Variants in IMPG1 observed in about 807,000 individuals in gnomAD.
IMPG1 encodes the protein interphotoreceptor matrix proteoglycan of 150 kDa.
In IMPG1, 85 loss-of-function variants were observed where a neutral mutation model predicts 92.0. The ratio of observed to expected loss-of-function variants is 0.92; its 90% CI spans 0.78 to 1.11. The LOEUF (loss-of-function observed/expected upper bound fraction) is 1.11. IMPG1 is among the 50% of genes least tolerant of loss of function. IMPG1 has a pLI of 0.00. For missense variants in IMPG1, 1,022 were observed against 956.0 expected, an observed-to-expected ratio of 1.07 and a Z score of -0.91; for synonymous variants, 367 against 334.1, an observed-to-expected ratio of 1.10 and a Z score of -1.08.
At chr6:76,026,676 G>T (rs1783542787) in intron 4 of IMPG1, among the ~76,000 whole-genome samples, 1 of 152,212 alleles carries the variant, frequency 6.6e-6, no homozygotes, top group Non-Finnish European at 1.5e-5. Flanking sequence ...ACTTGCATAA[G>T]AGTAAGAGGT....
intron 1 of IMPG1, among the ~76,000 whole-genome samples, chr6:76,056,874 CA>C (rs2127597031): frequency 6.6e-6 from 1 of 152,130 alleles, no homozygotes; most frequent in South Asian, 2.1e-4. Flanking sequence ...TGTGTTATAA[CA>C]AAGACATAGA....
At chr6:75,989,302 A>G (rs117056079) in intron 12 of IMPG1, among the ~76,000 whole-genome samples, 311 of 152,308 alleles carry the variant, frequency 2.0e-3, no homozygotes, top group Non-Finnish European at 3.9e-3. Context: ...AAATCTATTT[A>G]AATTTAACAC....
At chr6:75,961,131 G>T (rs1397881661) in intron 12 of IMPG1, among the ~76,000 whole-genome samples, 1 of 152,204 alleles carries the variant, frequency 6.6e-6, no homozygotes, top group Admixed American at 6.5e-5. Flanking sequence ...AAGATGAACA[G>T]TGTGTGAGGA....
rs368049446 is a variant in IMPG1, at chr6:75,950,590, C to T, written c.1796G>A (p.Arg599Gln). The T allele has an allele frequency of 1.2e-4, 186 of 1,611,728 alleles. No individual in the cohort carries two copies. The highest frequency in any genetic ancestry group is 1.5e-4 in the Non-Finnish European group (175 of 1,178,884). The stretch of plus-strand genomic sequence containing the variant: ...CTGTGTGAATTGTTGCTCCAGAGCT[C>T]GGTACTCCAGAGAGCTCTTGTTGAA... ...DLFNKSSLEYRALEQQFTQLL... is the reference protein window; with the variant it reads ...DLFNKSSLEYQALEQQFTQLL... The change falls in exon 13 of 17, where the codon CGA (arginine) becomes CAA (glutamine). Residue 599 changes from arginine (R) to glutamine (Q), a missense_variant. Transcript: ENST00000369950.
chr6:76,069,607 G>C (rs1469051797), intron 1 of IMPG1, among the ~76,000 whole-genome samples: 1 of 152,054 alleles, frequency 6.6e-6, no homozygotes, highest in Non-Finnish European at 1.5e-5. Context: ...ATTTGACCCA[G>C]CAATCCCATT....
chr6:75,974,106 T>G (rs1301560768), intron 12 of IMPG1, among the ~76,000 whole-genome samples: 2 of 152,220 alleles, frequency 1.3e-5, no homozygotes, highest in Admixed American at 6.5e-5. Context: ...TAATTTTGAC[T>G]GTGAACTGCA....
At chr6:76,041,222 CTG>C (rs1472584225) in intron 2 of IMPG1, among the ~76,000 whole-genome samples, 1 of 152,104 alleles carries the variant, frequency 6.6e-6, no homozygotes, top group Non-Finnish European at 1.5e-5. Context: ...GATGGCTGTG[CTG>C]TGATTAACTC....
In IMPG1 at chr6:75,930,933, C is replaced by T. The variant is rs201992751; in HGVS notation, c.2243+20G>A. On this transcript the variant is annotated intron_variant, in intron 15 of 16. Transcript: ENST00000369950. ...AAGTAATGAGTTCTTGAGTCTGTGA[C>T]GTTAGCATGCTTGACCCACCTGCAT... The T allele has an allele frequency of 3.2e-5, 51 of 1,605,348 alleles. No homozygotes were observed. In the Middle Eastern group the frequency reaches 6.6e-4, roughly 21 times the overall value.
intron 4 of IMPG1, among the ~76,000 whole-genome samples, chr6:76,026,387 T>C (rs117170662): frequency 0.022 from 3,338 of 152,316 alleles, 63 homozygotes; most frequent in Non-Finnish European, 0.036. Context: ...TTTTCATCCT[T>C]GGACTTCTCA....
At chr6:76,068,157 T>C (rs1159668337) in intron 1 of IMPG1, among the ~76,000 whole-genome samples, 1 of 152,138 alleles carries the variant, frequency 6.6e-6, no homozygotes, top group Non-Finnish European at 1.5e-5. Context: ...TAACCACTCC[T>C]ATTCAACATA....
rs1472430592 is a variant in IMPG1, at chr6:76,049,233, C to T, written c.68-7107G>A. ...GGAGGGAGAGGATCAGAAAAAATAA[C>T]TATAGGATACTAGACTTAATAGCTG... On this transcript the variant is annotated intron_variant, in intron 1 of 16. Transcript: ENST00000369950. Among the ~76,000 whole-genome samples the T allele has an allele frequency of 2.6e-5, 4 of 152,132 alleles. No homozygotes were observed. The East Asian group carries it at 7.7e-4, about 29-fold the overall frequency.
chr6:75,935,023 C>T, intron 14 of IMPG1: 1 of 470,810 alleles, frequency 2.1e-6, no homozygotes. Flanking sequence ...CCTGGGCTGG[C>T]TGGGCTGAGG....
At chr6:76,045,385 C>G (rs1216589276) in intron 1 of IMPG1, among the ~76,000 whole-genome samples, 1 of 151,706 alleles carries the variant, frequency 6.6e-6, no homozygotes, top group Non-Finnish European at 1.5e-5. Context: ...CTTCCATAAA[C>G]ACTTCCTCAT....
chr6:76,066,061 G>T (rs969075907), intron 1 of IMPG1, among the ~76,000 whole-genome samples: 1 of 151,990 alleles, frequency 6.6e-6, no homozygotes, highest in East Asian at 1.9e-4. Flanking sequence ...ACCCCTATGA[G>T]AAATGCTCAA....
chr6:76,004,245 C>T (rs1025869426), intron 10 of IMPG1, among the ~76,000 whole-genome samples: 2 of 152,092 alleles, frequency 1.3e-5, no homozygotes, highest in Non-Finnish European at 2.9e-5. Flanking sequence ...GGCTAATTAT[C>T]TAAACCATTA....
intron 2 of IMPG1, among the ~76,000 whole-genome samples, chr6:76,035,325 GCTCGTCT>G (rs982653491): frequency 5.3e-5 from 8 of 151,788 alleles, no homozygotes; most frequent in African/African-American, 1.7e-4. Flanking sequence ...CATGGAGAAA[GCTCGTCT>G]CTACTAAAAA....
intron 1 of IMPG1, among the ~76,000 whole-genome samples, chr6:76,063,881 T>C (rs930038637): frequency 6.6e-6 from 1 of 151,854 alleles, no homozygotes; most frequent in Non-Finnish European, 1.5e-5. Context: ...GAACCCAGAG[T>C]GTGTGCTTTC....
At chr6:75,994,394 C>CT (rs1472616420) in intron 12 of IMPG1, among the ~76,000 whole-genome samples, 2 of 152,284 alleles carry the variant, frequency 1.3e-5, no homozygotes, top group African/African-American at 2.4e-5. Context: ...TCAACCTCTG[C>CT]TTTTTTCTGT....
Position 76,018,875 on chromosome 6 carries a change from A to G in IMPG1, c.667-17T>C. ...TTCTCTTTCCTGAGTTTAAAAAAAA[A>G]AAAAAGGACTTCTGTTAACCTAAAC... On this transcript the variant is annotated splice_polypyrimidine_tract_variant and intron_variant, in intron 6 of 16. Transcript: ENST00000369950. 1 of 1,568,284 alleles carries G rather than the reference A, an allele frequency of 6.4e-7. No homozygotes were observed. Among genetic ancestry groups the G allele is most frequent in the Non-Finnish European group, 8.6e-7 (1 of 1,161,714 alleles).
Sources: gnomAD v4.1 joint callset for allele counts (sites outside exome capture counted in the v4.1 genomes callset) on GRCh38, gnomAD v4.1.1 for gene constraint, MANE v1.5 for transcripts, NCBI Gene and HGNC (gene_info 2026-07-23, HGNC 2026-07-21) for gene names.